BCAP29: variants seen among roughly 807,000 people sequenced by gnomAD.
BCAP29 encodes the protein B cell receptor associated protein 29.
Under a neutral mutation model 31.8 loss-of-function variants are expected in BCAP29, and 34 were observed. That is an observed-to-expected ratio of 1.07 (90% CI 0.81 to 1.42). The LOEUF is 1.42. BCAP29 is among the 40% of genes most tolerant of loss of function. BCAP29 has a pLI of 0.00. For synonymous variants in BCAP29, 104 were observed against 91.3 expected (o/e 1.14, Z -0.79); for missense variants, 314 against 269.2 (o/e 1.17, Z -1.16).
At chr7:107,613,768 T>A (rs773539756) in intron 7 of BCAP29, 21 of 1,586,042 alleles carry the variant, frequency 1.3e-5, no homozygotes, top group Non-Finnish European at 8.6e-6. Context: ...GCCATATTCA[T>A]GCCAAAATGA....
chr7:107,605,622 C>T (rs553247537), intron 6 of BCAP29, among the ~76,000 whole-genome samples: 8 of 152,270 alleles, frequency 5.3e-5, no homozygotes, highest in African/African-American at 1.7e-4. Flanking sequence ...TGTTTGAAGT[C>T]GATGTGTCAC....
At chr7:107,583,216 G>T (rs1807017808) in intron 2 of BCAP29, among the ~76,000 whole-genome samples, 1 of 151,596 alleles carries the variant, frequency 6.6e-6, no homozygotes, top group Admixed American at 6.6e-5. Context: ...CACTGTCTTT[G>T]TTTATACTGT....
At chr7:107,581,858 T>C (rs1394737214) in intron 2 of BCAP29, among the ~76,000 whole-genome samples, 2 of 152,134 alleles carry the variant, frequency 1.3e-5, no homozygotes, top group Non-Finnish European at 2.9e-5. Context: ...AGAAAAAAAA[T>C]TGAATCATAC....
chr7:107,601,623 C>T (rs909614921), intron 6 of BCAP29, among the ~76,000 whole-genome samples: 2 of 152,046 alleles, frequency 1.3e-5, no homozygotes, highest in African/African-American at 2.4e-5. Context: ...CAAAAGATTT[C>T]GAACATGATC....
At chr7:107,591,412 A>G (rs932170682) in intron 3 of BCAP29, among the ~76,000 whole-genome samples, 27 of 152,322 alleles carry the variant, frequency 1.8e-4, no homozygotes, top group African/African-American at 6.5e-4. Flanking sequence ...AAGCCTTAAT[A>G]GAACAAAGAT....
At chr7:107,621,532 A>G (rs1814970937), downstream of BCAP29, 2 of 366,090 alleles carry the variant, frequency 5.5e-6, no homozygotes, top group African/African-American at 2.1e-5. Context: ...GTTCTCTTCT[A>G]TAGCAAAAGA....
At chr7:107,594,371 A>G (rs1809422328) in intron 4 of BCAP29, among the ~76,000 whole-genome samples, 1 of 151,970 alleles carries the variant, frequency 6.6e-6, no homozygotes, top group Non-Finnish European at 1.5e-5. Flanking sequence ...AATTTTTTGT[A>G]GAGATGGGGT....
chr7:107,618,000 C>T (rs796348556), intron 7 of BCAP29, among the ~76,000 whole-genome samples: 13 of 152,136 alleles, frequency 8.5e-5, no homozygotes, highest in African/African-American at 3.1e-4. Flanking sequence ...GGTTTTTGTC[C>T]CTTCCTTCTT....
Position 107,618,929 on chromosome 7 carries a change from G to T in BCAP29, c.*566G>T. ...TACTATGGTTTACTCTAATAAGATA[G>T]CTATATTGATAATTATATTTTTGTT... On this transcript the variant is annotated 3_prime_UTR_variant, in exon 8 of 8. Transcript: ENST00000005259. The T allele has an allele frequency of 6.0e-6, 1 of 165,632 alleles. No homozygotes were observed. The highest frequency in any genetic ancestry group is 1.3e-5 in the Non-Finnish European group (1 of 76,842). The allele number at this position is 165,632 out of a possible 1,614,324, so 10.3% of individuals were successfully genotyped here.
intron 6 of BCAP29, among the ~76,000 whole-genome samples, chr7:107,612,393 A>T (rs866732878): frequency 0.021 from 172 of 8,124 alleles, 2 homozygotes; most frequent in Middle Eastern, 0.1. Flanking sequence ...GTATTGTTTT[A>T]TATATATATA....
intron 5 of BCAP29, 123 bp downstream of exon 5, chr7:107,596,125 T>C (rs1323037922): frequency 2.5e-6 from 2 of 791,932 alleles, no homozygotes; most frequent in Non-Finnish European, 3.7e-6. Flanking sequence ...TAATTAACAA[T>C]ATTTTATGTA....
intron 6 of BCAP29, among the ~76,000 whole-genome samples, chr7:107,610,360 C>T (rs143328693): frequency 1.3e-5 from 2 of 152,170 alleles, no homozygotes; most frequent in African/African-American, 4.8e-5. Context: ...CTAAAGCCTC[C>T]TTGTCCAATA....
chr7:107,580,994 TATA>T (rs1298883110), intron 2 of BCAP29, 130 bp downstream of exon 2: 5 of 541,686 alleles, frequency 9.2e-6, no homozygotes, highest in African/African-American at 4.0e-5. Flanking sequence ...TTAGGTAGTA[TATA>T]ATGACAATAT....
At position 107,596,100 on chromosome 7, in the gene BCAP29, A is replaced by G. The variant is rs971359453; in HGVS notation, c.480+98A>G. 1.4e-5 allele frequency: 15 copies of G among 1,068,078 alleles called. No individual in the cohort carries two copies. The East Asian group carries it at 3.8e-4, about 27-fold the overall frequency. 66.2% of individuals were successfully genotyped at this position (1,068,078 alleles called of 1,614,324 possible). On this transcript the variant is annotated intron_variant, in intron 5 of 7. Coordinates refer to ENST00000005259, the MANE Select transcript of BCAP29 (RefSeq NM_018844.4). The stretch of plus-strand genomic sequence containing the variant: ...AAAAAGAGCATTTTTATATTTTATA[A>G]GCAGAAAATGACCATAATTAACAAT...
chr7:107,617,472 A>G (rs545839443), intron 7 of BCAP29, among the ~76,000 whole-genome samples: 2 of 151,294 alleles, frequency 1.3e-5, no homozygotes, highest in East Asian at 3.9e-4. Flanking sequence ...CCTCTCTTCT[A>G]AAAAAAAAGA....
chr7:107,613,849 A>G, intron 7 of BCAP29: 1 of 701,262 alleles, frequency 1.4e-6, no homozygotes. Flanking sequence ...ACAAGACTTT[A>G]GCATTCAAAT....
At chr7:107,604,747 A>G (rs1811781863) in intron 6 of BCAP29, among the ~76,000 whole-genome samples, 1 of 150,864 alleles carries the variant, frequency 6.6e-6, no homozygotes, top group African/African-American at 2.4e-5. Context: ...AGAAAAAAAC[A>G]TATTATTTGT....
intron 4 of BCAP29, 142 bp from the exon 5 acceptor site, chr7:107,595,725 A>T: frequency 2.4e-6 from 2 of 834,924 alleles, no homozygotes; most frequent in South Asian, 2.2e-5. Context: ...GACTTGAATT[A>T]AAAAAAGAAT....
intron 3 of BCAP29, among the ~76,000 whole-genome samples, chr7:107,591,656 A>ACACACACACACACCCC: frequency 7.3e-5 from 10 of 136,076 alleles, no homozygotes; most frequent in African/African-American, 2.2e-4. Context: ...ACACACACAC[A>ACACACACACACACCCC]CCCTATTGGT....
Sources: gnomAD v4.1 joint callset for allele counts (sites outside exome capture counted in the v4.1 genomes callset) on GRCh38, gnomAD v4.1.1 for gene constraint, MANE v1.5 for transcripts, NCBI Gene and HGNC (gene_info 2026-07-23, HGNC 2026-07-21) for gene names.